FYTTD1: variants seen among roughly 807,000 people sequenced by gnomAD.
The protein encoded by FYTTD1 is forty-two-three domain containing 1.
Under a neutral mutation model 40.9 loss-of-function variants are expected in FYTTD1, and 22 were observed. The ratio of observed to expected loss-of-function variants is 0.54; its 90% confidence interval spans 0.38 to 0.77. The LOEUF (loss-of-function observed/expected upper bound fraction) is 0.77, where lower values mean the gene tolerates loss of function less well. Ranked by LOEUF, FYTTD1 falls within the 30% of genes least tolerant of loss-of-function variation. The probability of loss-of-function intolerance (pLI) is 0.00; values close to 1 mark genes in which losing one functional copy is unlikely to be tolerated. For synonymous variants in FYTTD1, 140 were observed against 137.9 expected, an observed-to-expected ratio of 1.01 and a Z score of -0.10; for missense variants, 351 against 392.2, an observed-to-expected ratio of 0.90 and a Z score of 0.89.
intron 4 of FYTTD1, among the ~76,000 whole-genome samples, chr3:197,772,215 A>G (rs1275353815): frequency 2.6e-5 from 4 of 152,248 alleles, no homozygotes; most frequent in Non-Finnish European, 4.4e-5. Flanking sequence ...AGAACCCATC[A>G]TTTACGTGAG....
chr3:197,750,163 C>A, intron 1 of FYTTD1, 89 bp downstream of exon 1: 1 of 1,021,262 alleles, frequency 9.8e-7, no homozygotes, highest in South Asian at 1.9e-5. Flanking sequence ...GGGCGGTCGG[C>A]AGCAGTTGCC....
rs57263354 is a variant in FYTTD1, at chr3:197,779,529, CT to C, written c.858+1084del. On this transcript the variant is annotated intron_variant, in intron 8 of 8. Coordinates refer to ENST00000241502, the MANE Select transcript of FYTTD1 (RefSeq NM_032288.7). ...TATTGACTTTGTGGATTCCTTAGGA[CT>C]TTTTTTTTTTTTTTTTTTGTGAAAC... Among the ~76,000 whole-genome samples, 86 of 118,394 alleles carry C rather than the reference CT, an allele frequency of 7.3e-4. 1 individual carries two copies. The highest frequency in any genetic ancestry group is 5.8e-3 in the South Asian group (22 of 3,786). The allele number at this position is 118,394 out of a possible 152,430, so 77.7% of individuals were successfully genotyped here. A position where few individuals can be genotyped will look rare whatever the true frequency, so the allele number is the denominator to read the frequency against.
intron 6 of FYTTD1, 72 bp downstream of exon 6, chr3:197,774,282 A>G: frequency 1.6e-6 from 2 of 1,226,590 alleles, no homozygotes; most frequent in South Asian, 2.4e-5. Flanking sequence ...ATTATCATGT[A>G]CCTCAGTCCA....
chr3:197,758,132 G>A (rs1055269479), intron 2 of FYTTD1, among the ~76,000 whole-genome samples: 1 of 152,174 alleles, frequency 6.6e-6, no homozygotes, highest in Non-Finnish European at 1.5e-5. Flanking sequence ...CGAACTCCCA[G>A]CCTCAGGTGA....
chr3:197,752,786 TTTG>T (rs1213205883), intron 1 of FYTTD1, among the ~76,000 whole-genome samples: 1 of 152,166 alleles, frequency 6.6e-6, no homozygotes, highest in African/African-American at 2.4e-5. Flanking sequence ...GCTTTTGTTA[TTTG>T]TTGTTATTTC....
At chr3:197,771,605 G>A (rs199936730) in intron 4 of FYTTD1, among the ~76,000 whole-genome samples, 3 of 151,502 alleles carry the variant, frequency 2.0e-5, no homozygotes, top group Admixed American at 6.6e-5. Context: ...GTGAAACCCC[G>A]TCTCTACTAA....
At chr3:197,751,791 GGATTCTAGCGATGGA>G (rs1221771423) in intron 1 of FYTTD1, among the ~76,000 whole-genome samples, 4 of 152,138 alleles carry the variant, frequency 2.6e-5, no homozygotes, top group Admixed American at 1.3e-4. Context: ...AACTCTGTGA[GGATTCTAGCGATGGA>G]GAGCACGGAA....
intron 3 of FYTTD1, among the ~76,000 whole-genome samples, chr3:197,769,846 C>A (rs1334030014): frequency 2.6e-5 from 4 of 151,918 alleles, no homozygotes; most frequent in Non-Finnish European, 5.9e-5. Context: ...GAGCACCTCA[C>A]ATATTTTAAA....
At chr3:197,781,240 G>C (rs1730019850) in intron 8 of FYTTD1, among the ~76,000 whole-genome samples, 2 of 151,886 alleles carry the variant, frequency 1.3e-5, no homozygotes, top group African/African-American at 4.8e-5. Flanking sequence ...CTTGAACCCA[G>C]GAGGCGGAAG....
rs999835333 is a variant in FYTTD1 at position 197,785,963 on chromosome 3, C to A, written c.*4054C>A. The stretch of plus-strand genomic sequence containing the variant: ...TTTTTTTTTTTTTTAAATGATACTT[C>A]AGTAAACACAGCATTTACAACAAGA... On this transcript the variant is annotated 3_prime_UTR_variant, in exon 9 of 9. Coordinates refer to ENST00000241502, the MANE Select transcript of FYTTD1 (RefSeq NM_032288.7). 1 of 150,492 alleles carries A rather than the reference C, an allele frequency of 6.6e-6. No homozygotes were observed. Among genetic ancestry groups the A allele is most frequent in the Non-Finnish European group, 1.5e-5 (1 of 67,742 alleles). 9.3% of individuals were successfully genotyped at this position (150,492 alleles called of 1,614,324 possible).
In FYTTD1 at chr3:197,756,996, A is replaced by G. The variant is rs564650265; in HGVS notation, c.235+439A>G. Among the ~76,000 whole-genome samples, 8 of 152,366 alleles carry G rather than the reference A, an allele frequency of 5.3e-5. No individual in the cohort carries two copies. The East Asian group carries it at 1.2e-3, about 22-fold the overall frequency. ...TCTTAATTTGGATTAAAGCATGCCT[A>G]TCACTTCGGTAAAGTTATAGAAAGC... On this transcript the variant is annotated intron_variant, in intron 2 of 8. Transcript: ENST00000241502.
At chr3:197,752,714 CTATA>C (rs1729100292) in intron 1 of FYTTD1, among the ~76,000 whole-genome samples, 1 of 151,722 alleles carries the variant, frequency 6.6e-6, no homozygotes, top group Non-Finnish European at 1.5e-5. Context: ...GTGTGTATGT[CTATA>C]TATGGCTTGG....
intron 6 of FYTTD1, 74 bp from the exon 7 acceptor site, chr3:197,776,853 C>A: frequency 4.1e-6 from 4 of 982,040 alleles, no homozygotes; most frequent in South Asian, 2.9e-5. Flanking sequence ...TTTTAATGTT[C>A]ATTTTTATTT....
intron 1 of FYTTD1, 175 bp downstream of exon 1, chr3:197,750,249 G>A: frequency 1.2e-6 from 1 of 863,644 alleles, no homozygotes; most frequent in Non-Finnish European, 1.6e-6. Flanking sequence ...TCGACGCCAG[G>A]TGCCCGGCTG....
chr3:197,773,400 C>T lies in FYTTD1; in HGVS notation c.498-3C>T, dbSNP rs376463493. ...TAGCATGGCCTATGTGTTTTTGTTG[C>T]AGAAATAACATTCCAGCTAATTTTA... On this transcript the variant is annotated splice_region_variant and splice_polypyrimidine_tract_variant and intron_variant, in intron 4 of 8. Coordinates refer to ENST00000241502, the MANE Select transcript of FYTTD1 (RefSeq NM_032288.7). 2.5e-6 allele frequency: 4 copies of T among 1,572,128 alleles called. No individual in the cohort carries two copies. Among genetic ancestry groups the T allele is most frequent in the Non-Finnish European group, 3.5e-6 (4 of 1,145,834 alleles).
rs780259449 is a variant in FYTTD1, at chr3:197,770,224, A to G, written c.477A>G (p.Arg159=). The part of the protein sequence containing the change: ...GQRKPVAVLK[R]PSQLSRKNNI... ...GGAAACCAGTAGCAGTTCTCAAGAG[A>G]CCTAGCCAGCTAAGCAGAAAGTAAG... The change falls in exon 4 of 9, where the codon AGA becomes AGG. Residue 159 remains arginine (R), a synonymous_variant. Coordinates refer to ENST00000241502, the MANE Select transcript of FYTTD1 (RefSeq NM_032288.7). 31 of 1,609,298 alleles carry G rather than the reference A, an allele frequency of 1.9e-5. No individual in the cohort carries two copies. The highest frequency in any genetic ancestry group is 2.6e-5 in the Non-Finnish European group (31 of 1,176,786).
Position 197,774,221 on chromosome 3 carries a change from A to G in FYTTD1, c.656+11A>G. ...AAAGAGAACTCGTCAGTAAGTTTCC[A>G]TTTGTTTTTTAAGATGTTATTTCAA... On this transcript the variant is annotated intron_variant, in intron 6 of 8. Transcript: ENST00000241502. The G allele has an allele frequency of 6.2e-7, 1 of 1,610,730 alleles. No individual in the cohort carries two copies. The highest frequency in any genetic ancestry group is 8.5e-7 in the Non-Finnish European group (1 of 1,176,952).
intron 1 of FYTTD1, among the ~76,000 whole-genome samples, chr3:197,752,786 T>C (rs1729103459): frequency 6.6e-6 from 1 of 152,166 alleles, no homozygotes; most frequent in Non-Finnish European, 1.5e-5. Context: ...GCTTTTGTTA[T>C]TTGTTGTTAT....
chr3:197,775,474 G>A (rs116605888), intron 6 of FYTTD1, among the ~76,000 whole-genome samples: 1 of 151,670 alleles, frequency 6.6e-6, no homozygotes, highest in Admixed American at 6.6e-5. Context: ...CTCCATATCC[G>A]CGGATTGTCT....
Sources: allele counts gnomAD v4.1 joint callset (sites outside exome capture counted in the v4.1 genomes callset), GRCh38; gene constraint gnomAD v4.1.1; transcripts MANE v1.5; gene names NCBI Gene and HGNC (gene_info 2026-07-23, HGNC 2026-07-21).